The following FGF13 variants were observed in gnomAD, a reference collection of about 807,000 sequenced individuals.
FGF13 encodes fibroblast growth factor 13, also known as fibroblast growth factor homologous factor 2.
FGF13 carries 2 observed loss-of-function variants against 19.5 expected under a neutral mutation model. The ratio of observed to expected loss-of-function variants is 0.10; its 90% CI spans 0.04 to 0.32. The LOEUF (loss-of-function observed/expected upper bound fraction) is 0.32, where lower values mean the gene tolerates loss of function less well. FGF13 is among the 10% of genes least tolerant of loss of function. FGF13 has a pLI of 1.00. For synonymous variants in FGF13, 72 were observed against 76.9 expected (o/e 0.94, Z 0.33); for missense variants, 113 against 192.7 (o/e 0.59, Z 2.45).
chrX:138,923,022 G>A (rs1364072778), intron 1 of FGF13, among the ~76,000 whole-genome samples: 1 of 112,368 alleles, frequency 8.9e-6, no homozygotes, highest in Non-Finnish European at 1.9e-5. Context: ...ATGATTTAGG[G>A]ATGCTATGAA....
intron 3 of FGF13, among the ~76,000 whole-genome samples, chrX:138,772,426 T>A (rs1165402086): frequency 9.1e-6 from 1 of 110,124 alleles, no homozygotes. Flanking sequence ...AACTTTACCC[T>A]CAAGGCTGTG....
intron 3 of FGF13, among the ~76,000 whole-genome samples, chrX:138,779,208 A>G (rs1255062996): frequency 1.8e-5 from 2 of 110,289 alleles, no homozygotes; most frequent in Admixed American, 9.6e-5. Context: ...AACCACAAAG[A>G]TGGGGAAAAA....
intron 3 of FGF13, among the ~76,000 whole-genome samples, chrX:138,805,958 T>C (rs1041968407): frequency 1.8e-5 from 2 of 111,764 alleles, no homozygotes; most frequent in African/African-American, 6.5e-5. Context: ...CCCTTGCATC[T>C]AGTTCGTCTT....
chrX:138,734,789 C>G (rs1273836317), intron 1 of FGF13, among the ~76,000 whole-genome samples: 1 of 111,886 alleles, frequency 8.9e-6, no homozygotes, highest in Non-Finnish European at 1.9e-5. Flanking sequence ...AGCTGGGCAG[C>G]CAGCCTGTGC....
intron 1 of FGF13, among the ~76,000 whole-genome samples, chrX:138,908,674 C>A (rs1229480799): frequency 9.0e-6 from 1 of 111,681 alleles, no homozygotes; most frequent in East Asian, 2.8e-4. Flanking sequence ...TTCTTCAAGT[C>A]ACCATTACCA....
upstream of FGF13, among the ~76,000 whole-genome samples, chrX:138,712,973 T>G (rs1325846575): frequency 8.9e-6 from 1 of 112,448 alleles, no homozygotes; most frequent in African/African-American, 3.2e-5. Context: ...TTCCATTGCT[T>G]CACAGGGGAA....
chrX:138,901,042 T>C (rs2091529513), intron 1 of FGF13, among the ~76,000 whole-genome samples: 1 of 112,073 alleles, frequency 8.9e-6, no homozygotes, highest in African/African-American at 3.2e-5. Flanking sequence ...GCTGTGTTTC[T>C]TTAGAACATT....
intron 1 of FGF13, among the ~76,000 whole-genome samples, chrX:138,904,873 T>TA (rs1262532889): frequency 1.8e-5 from 2 of 111,977 alleles, no homozygotes; most frequent in Non-Finnish European, 1.9e-5. Context: ...TGAAACTTGG[T>TA]AAAAAATAGA....
At chrX:139,121,068 C>T (rs745795487) in intron 1 of FGF13, among the ~76,000 whole-genome samples, 1 of 112,212 alleles carries the variant, frequency 8.9e-6, no homozygotes, top group South Asian at 3.7e-4. Flanking sequence ...TGGGGAGAAG[C>T]CTATAATCAT....
intron 3 of FGF13, among the ~76,000 whole-genome samples, chrX:138,777,830 C>T (rs2090600113): frequency 9.1e-6 from 1 of 110,337 alleles, no homozygotes; most frequent in African/African-American, 3.3e-5. Flanking sequence ...CATAGTCTCC[C>T]AATATATTAG....
At chrX:138,904,222 G>A (rs988097042) in intron 1 of FGF13, among the ~76,000 whole-genome samples, 1 of 111,553 alleles carries the variant, frequency 9.0e-6, no homozygotes, top group Non-Finnish European at 1.9e-5. Flanking sequence ...TGGATACACA[G>A]AAGCAGCACA....
chrX:138,816,609 T>C (rs1017833283), intron 3 of FGF13, among the ~76,000 whole-genome samples: 1 of 112,673 alleles, frequency 8.9e-6, no homozygotes, highest in Non-Finnish European at 1.9e-5. Context: ...TCTGAAATCA[T>C]GTCAAAATTA....
intron 1 of FGF13, among the ~76,000 whole-genome samples, chrX:139,141,102 T>TAC (rs748785543): frequency 0.1 from 9,737 of 97,025 alleles, 461 homozygotes; most frequent in Non-Finnish European, 0.11. Context: ...GATAAGAGTG[T>TAC]ACACACACAC....
intron 1 of FGF13, among the ~76,000 whole-genome samples, chrX:139,109,292 A>C (rs750296802): frequency 8.9e-6 from 1 of 111,736 alleles, no homozygotes; most frequent in African/African-American, 3.3e-5. Flanking sequence ...ATTAGTGTTT[A>C]TTAACAACCA....
In FGF13 at chrX:138,631,720, T is replaced by C. The variant is rs2089118430; in HGVS notation, c.*1130A>G. ...CTTTTGGAACACAGATTTTTAACAA[T>C]TATGAATGCACAAAATCTTACATAT... On this transcript the variant is annotated 3_prime_UTR_variant, in exon 5 of 5. Coordinates refer to ENST00000315930, the MANE Select transcript of FGF13 (RefSeq NM_004114.5). 8.9e-6 allele frequency: 1 copy of C among 112,545 alleles called. No individual in the cohort carries two copies. Among genetic ancestry groups the C allele is most frequent in the African/African-American group, 3.2e-5 (1 of 30,915 alleles). The allele number at this position is 112,545 out of a possible 1,213,427, so 9.3% of individuals were successfully genotyped here.
At position 138,761,862 on chromosome X, in the gene FGF13, G is replaced by A. The variant is rs757663240; in HGVS notation, c.218-52934C>T. Among the ~76,000 whole-genome samples, 25 of 110,535 alleles carry A rather than the reference G, an allele frequency of 2.3e-4. No homozygotes were observed. The East Asian group carries it at 6.0e-3, about 27-fold the overall frequency. ...TCCCCTCCTTTGTCTCCTTTACTGCGTCGTTTTCCACTTTCTGACTCCTAA... is the reference window on the plus strand; with the variant it reads ...TCCCCTCCTTTGTCTCCTTTACTGCATCGTTTTCCACTTTCTGACTCCTAA... On this transcript the variant is annotated intron_variant, in intron 3 of 6. Transcript: ENST00000436198.
At chrX:138,781,082 A>C (rs1269702162) in intron 3 of FGF13, among the ~76,000 whole-genome samples, 116 of 111,346 alleles carry the variant, frequency 1.0e-3, no homozygotes, top group African/African-American at 3.5e-3. Context: ...TACATAACGA[A>C]ATGAAGGCAG....
intron 1 of FGF13, among the ~76,000 whole-genome samples, chrX:139,071,112 A>G (rs2124433194): frequency 9.0e-6 from 1 of 111,432 alleles, no homozygotes; most frequent in Non-Finnish European, 1.9e-5. Flanking sequence ...CATGTACCCC[A>G]TAATTTAAAG....
At chrX:138,673,365 C>A (rs1004709565) in intron 3 of FGF13, among the ~76,000 whole-genome samples, 1 of 110,535 alleles carries the variant, frequency 9.0e-6, no homozygotes, top group African/African-American at 3.3e-5. Flanking sequence ...ACGTAGCCCG[C>A]GGAAAAACTG....
Sources: gnomAD v4.1 joint callset for allele counts (sites outside exome capture counted in the v4.1 genomes callset) on GRCh38, gnomAD v4.1.1 for gene constraint, MANE v1.5 for transcripts, NCBI Gene and HGNC (gene_info 2026-07-23, HGNC 2026-07-21) for gene names.